Variants in GRM8 observed in about 807,000 individuals in gnomAD.
The protein encoded by GRM8 is glutamate metabotropic receptor 8.
GRM8 carries 47 observed loss-of-function variants against 87.2 expected under a neutral mutation model. The observed-to-expected ratio is 0.54, with a 90% confidence interval of 0.43 to 0.69. GRM8 has a LOEUF of 0.69. Among genes scored for constraint, GRM8 ranks in the 30% least tolerant of loss-of-function variants. The pLI is 0.00. For synonymous variants in GRM8, 396 were observed against 404.5 expected (o/e 0.98, Z 0.25); for missense variants, 1,019 against 1,139.2 (o/e 0.89, Z 1.52).
At chr7:127,192,330 T>C (rs572326591) in intron 2 of GRM8, among the ~76,000 whole-genome samples, 1 of 152,362 alleles carries the variant, frequency 6.6e-6, no homozygotes, top group South Asian at 2.1e-4. Flanking sequence ...TTTAGTCCAT[T>C]TGCAGTTTGT....
chr7:127,076,426 G>C (rs560684981), intron 3 of GRM8, among the ~76,000 whole-genome samples: 2 of 152,308 alleles, frequency 1.3e-5, no homozygotes, highest in African/African-American at 4.8e-5. Context: ...AAAGGAGTGA[G>C]GCTTTGAGCC....
At chr7:127,146,106 A>T (rs1587132154) in intron 2 of GRM8, among the ~76,000 whole-genome samples, 1 of 151,976 alleles carries the variant, frequency 6.6e-6, no homozygotes, top group Admixed American at 6.6e-5. Flanking sequence ...CCAGGAGACA[A>T]ATACTCTGTG....
At chr7:126,784,070 T>C (rs1820373968) in intron 6 of GRM8, among the ~76,000 whole-genome samples, 1 of 152,208 alleles carries the variant, frequency 6.6e-6, no homozygotes, top group Non-Finnish European at 1.5e-5. Flanking sequence ...CAACATTACA[T>C]ATAAGCTAAT....
At chr7:126,555,792 T>G (rs1255770957) in intron 8 of GRM8, among the ~76,000 whole-genome samples, 1 of 152,218 alleles carries the variant, frequency 6.6e-6, no homozygotes, top group Non-Finnish European at 1.5e-5. Flanking sequence ...TCCTAAAATA[T>G]GTGTGGAATA....
chr7:126,851,311 C>G (rs184873821), intron 6 of GRM8, among the ~76,000 whole-genome samples: 8 of 152,298 alleles, frequency 5.3e-5, no homozygotes, highest in African/African-American at 1.9e-4. Context: ...TCCTGGACTA[C>G]TGGAATAACT....
chr7:126,829,803 G>A (rs1290141694), intron 6 of GRM8, among the ~76,000 whole-genome samples: 1 of 152,004 alleles, frequency 6.6e-6, no homozygotes, highest in Non-Finnish European at 1.5e-5. Flanking sequence ...AGTCTCGATG[G>A]TCTTTATATT....
chr7:126,446,238 G>A lies in GRM8; in HGVS notation c.2565C>T (p.Ser855=), dbSNP rs746565478. ...PEQNVQKRKR[S]FKAVVTAATM... ...TGGCAGCTGTCACCACAGCCTTGAA[G>A]CTCCTCTTGCGTTTTTGAACATTCT... The change falls in exon 10 of 11, where the codon AGC becomes AGT. Residue 855 remains serine, a synonymous_variant. Transcript: ENST00000339582. 6.2e-7 allele frequency: 1 copy of A among 1,612,980 alleles called. No individual in the cohort carries two copies. The highest frequency in any genetic ancestry group is 1.7e-5 in the Admixed American group (1 of 59,848).
chr7:126,745,317 T>C (rs764454162), intron 7 of GRM8, among the ~76,000 whole-genome samples: 7 of 151,456 alleles, frequency 4.6e-5, no homozygotes, highest in Non-Finnish European at 7.4e-5. Flanking sequence ...CCAGATATAG[T>C]GGAAGAAACC....
At chr7:127,224,411 C>G (rs901777700) in intron 2 of GRM8, among the ~76,000 whole-genome samples, 2 of 152,102 alleles carry the variant, frequency 1.3e-5, no homozygotes, top group Non-Finnish European at 2.9e-5. Context: ...TTTTTAAGTG[C>G]TGAAAGAAAG....
In GRM8 at chr7:126,587,775, T is replaced by A. The variant is rs60356312; in HGVS notation, c.1494+21587A>T. On this transcript the variant is annotated intron_variant, in intron 8 of 10. Coordinates refer to ENST00000339582, the MANE Select transcript of GRM8 (RefSeq NM_000845.3). Reference sequence around the variant, plus strand: ...CCAACATGGCACATGTATACATATATAACAAACCTGCATGTTGTGCACATG... The same window carrying A: ...CCAACATGGCACATGTATACATATAAAACAAACCTGCATGTTGTGCACATG... Among the ~76,000 whole-genome samples the A allele has an allele frequency of 3.3e-3, 504 of 151,608 alleles. 3 individuals are homozygous for A. The highest frequency in any genetic ancestry group is 0.011 in the African/African-American group (461 of 41,272).
intron 9 of GRM8, among the ~76,000 whole-genome samples, chr7:126,530,036 A>G (rs929137075): frequency 6.6e-6 from 1 of 152,210 alleles, no homozygotes; most frequent in African/African-American, 2.4e-5. Context: ...AAAACAGAGG[A>G]CAAAGGAATG....
intron 6 of GRM8, among the ~76,000 whole-genome samples, chr7:126,775,631 C>T (rs1411258536): frequency 6.6e-6 from 1 of 151,490 alleles, no homozygotes; most frequent in Non-Finnish European, 1.5e-5. Context: ...AAAGTGTGCA[C>T]CTCCCATACT....
intron 9 of GRM8, among the ~76,000 whole-genome samples, chr7:126,518,414 G>A (rs1812491582): frequency 6.6e-6 from 1 of 151,996 alleles, no homozygotes; most frequent in South Asian, 2.1e-4. Flanking sequence ...ATCTGCTGTG[G>A]GCTATACTTT....
chr7:126,466,050 GTTAAT>G (rs1400720816), intron 9 of GRM8, among the ~76,000 whole-genome samples: 3 of 151,848 alleles, frequency 2.0e-5, no homozygotes, highest in African/African-American at 7.2e-5. Flanking sequence ...GTGAAGTTTA[GTTAAT>G]TTAAGAAAAA....
intron 2 of GRM8, among the ~76,000 whole-genome samples, chr7:127,155,644 T>C (rs1244696720): frequency 6.6e-6 from 1 of 152,158 alleles, no homozygotes; most frequent in Non-Finnish European, 1.5e-5. Context: ...AAAGAACTTA[T>C]CTGGAACTAA....
intron 6 of GRM8, among the ~76,000 whole-genome samples, chr7:126,808,954 T>G (rs1479983110): frequency 6.6e-6 from 1 of 152,190 alleles, no homozygotes; most frequent in Non-Finnish European, 1.5e-5. Flanking sequence ...CAACACATAT[T>G]TATTATTTTA....
At chr7:126,531,684 A>G (rs1814844449) in intron 9 of GRM8, among the ~76,000 whole-genome samples, 1 of 152,220 alleles carries the variant, frequency 6.6e-6, no homozygotes. Flanking sequence ...TATTTAATAG[A>G]ATCACAAGTT....
intron 3 of GRM8, among the ~76,000 whole-genome samples, chr7:127,026,933 G>A (rs1427933791): frequency 6.6e-6 from 1 of 152,150 alleles, no homozygotes; most frequent in Non-Finnish European, 1.5e-5. Flanking sequence ...GAATGGTATT[G>A]TCTAGGTTTT....
chr7:126,548,134 T>C (rs867438964), intron 8 of GRM8, among the ~76,000 whole-genome samples: 1 of 151,676 alleles, frequency 6.6e-6, no homozygotes, highest in Non-Finnish European at 1.5e-5. Context: ...TCTAAGAACA[T>C]GAACTTTAAC....
Sources: allele counts gnomAD v4.1 joint callset (sites outside exome capture counted in the v4.1 genomes callset), GRCh38; gene constraint gnomAD v4.1.1; transcripts MANE v1.5; gene names NCBI Gene and HGNC (gene_info 2026-07-23, HGNC 2026-07-21).